Variants in ARL8B observed in about 807,000 individuals in gnomAD.
ARL8B encodes ARF like GTPase 8B.
In ARL8B, 9 loss-of-function variants were observed where a neutral mutation model predicts 30.6. The ratio of observed to expected loss-of-function variants is 0.29; its 90% CI spans 0.18 to 0.51. The LOEUF (loss-of-function observed/expected upper bound fraction) is 0.51. Among genes scored for constraint, ARL8B ranks in the 20% least tolerant of loss-of-function variants. ARL8B has a pLI of 0.97. For missense variants in ARL8B, 130 were observed against 227.2 expected (o/e 0.57, Z 2.75); for synonymous variants, 74 against 76.0 (o/e 0.97, Z 0.14).
rs753950793 is a variant in ARL8B, at chr3:5,122,460, G to C, written c.-6G>C. 5.0e-6 allele frequency: 8 copies of C among 1,612,764 alleles called. No homozygotes were observed. The highest frequency in any genetic ancestry group is 2.2e-5 in the East Asian group (1 of 44,864). ...CTCCCGTCCGTTCTCGCTCCCGGCC[G>C]CCATCATGCTGGCGCTCATCTCCCG... is the stretch of plus-strand genomic sequence containing the variant. On this transcript the variant is annotated 5_prime_UTR_variant, in exon 1 of 7. Coordinates refer to ENST00000256496, the MANE Select transcript of ARL8B (RefSeq NM_018184.3).
intron 1 of ARL8B, among the ~76,000 whole-genome samples, chr3:5,132,886 A>T (rs192365705): frequency 5.3e-4 from 81 of 152,212 alleles, no homozygotes; most frequent in African/African-American, 1.7e-3. Context: ...CCCCTGACCC[A>T]CCCCATTAAG....
rs1413050354 is a variant in ARL8B at position 5,122,330 on chromosome 3, C to CCCGCCGGTGT, written c.-130_-121dup. ...GGCTTCCTGGGTCTGGCTGCTGCCGCCCGCCGGTGTCCGCCCGTGTCGCGC... is the reference window on the plus strand; with the variant it reads ...GGCTTCCTGGGTCTGGCTGCTGCCGCCCGCCGGTGTCCGCCGGTGTCCGCCCGTGTCGCGC... On this transcript the variant is annotated 5_prime_UTR_variant, in exon 1 of 7. Coordinates refer to ENST00000256496, the MANE Select transcript of ARL8B (RefSeq NM_018184.3). 1 of 1,531,662 alleles carries CCCGCCGGTGT rather than the reference C, an allele frequency of 6.5e-7. No homozygotes were observed. The highest frequency in any genetic ancestry group is 8.8e-7 in the Non-Finnish European group (1 of 1,140,514). 94.9% of individuals were successfully genotyped at this position (1,531,662 alleles called of 1,614,324 possible).
At chr3:5,175,196 CAAT>C (rs1294808562) in intron 6 of ARL8B, among the ~76,000 whole-genome samples, 2 of 152,054 alleles carry the variant, frequency 1.3e-5, no homozygotes, top group Admixed American at 6.6e-5. Flanking sequence ...TTCAGCGTTA[CAAT>C]GTTAATGAGA....
At chr3:5,176,371 C>T (rs1466520608) in intron 6 of ARL8B, among the ~76,000 whole-genome samples, 1 of 152,132 alleles carries the variant, frequency 6.6e-6, no homozygotes, top group Non-Finnish European at 1.5e-5. Flanking sequence ...GCTGGGATTA[C>T]AGTTGCCCAC....
chr3:5,170,819 C>T (rs764558135), intron 2 of ARL8B: 3 of 329,964 alleles, frequency 9.1e-6, no homozygotes, highest in Non-Finnish European at 1.7e-5. Flanking sequence ...GCAACCTCTA[C>T]CTCCCGGTTC....
intron 1 of ARL8B, among the ~76,000 whole-genome samples, chr3:5,137,185 C>T (rs1394062692): frequency 6.6e-6 from 1 of 151,928 alleles, no homozygotes; most frequent in Non-Finnish European, 1.5e-5. Context: ...GAATACTTGC[C>T]CCATGAGCTC....
chr3:5,163,883 G>C (rs979459566), intron 1 of ARL8B, among the ~76,000 whole-genome samples: 1 of 152,282 alleles, frequency 6.6e-6, no homozygotes, highest in South Asian at 2.1e-4. Flanking sequence ...GAGAAAAAAA[G>C]AGAGAGTGCT....
At chr3:5,142,847 A>G (rs541274247) in intron 1 of ARL8B, among the ~76,000 whole-genome samples, 9 of 152,108 alleles carry the variant, frequency 5.9e-5, no homozygotes, top group Non-Finnish European at 1.2e-4. Flanking sequence ...CTTGGCCTAG[A>G]GTGGCTGGAT....
chr3:5,145,024 TA>T (rs1287609164), intron 1 of ARL8B, among the ~76,000 whole-genome samples: 1 of 152,196 alleles, frequency 6.6e-6, no homozygotes, highest in Non-Finnish European at 1.5e-5. Context: ...AACCATTAGG[TA>T]ATCTACCTTT....
chr3:5,145,512 A>T (rs999284414), intron 1 of ARL8B, among the ~76,000 whole-genome samples: 6 of 152,076 alleles, frequency 3.9e-5, no homozygotes, highest in African/African-American at 1.4e-4. Flanking sequence ...TGGAGACAAA[A>T]GCAATATGTT....
intron 6 of ARL8B, among the ~76,000 whole-genome samples, chr3:5,174,761 T>C (rs1419254498): frequency 7.1e-6 from 1 of 141,398 alleles, no homozygotes; most frequent in Non-Finnish European, 1.5e-5. Context: ...TATATATAAA[T>C]ATATATTATA....
At chr3:5,135,990 G>C (rs1049153935) in intron 1 of ARL8B, among the ~76,000 whole-genome samples, 1 of 150,968 alleles carries the variant, frequency 6.6e-6, no homozygotes, top group African/African-American at 2.4e-5. Context: ...GTTTCACCAT[G>C]TTGCCCAGGC....
At chr3:5,151,942 G>C (rs2054488894) in intron 1 of ARL8B, among the ~76,000 whole-genome samples, 1 of 152,162 alleles carries the variant, frequency 6.6e-6, no homozygotes. Flanking sequence ...ACTTAGGCCA[G>C]TCTTGAATCC....
intron 2 of ARL8B, among the ~76,000 whole-genome samples, chr3:5,171,322 G>C (rs2054673765): frequency 6.6e-6 from 1 of 152,108 alleles, no homozygotes; most frequent in South Asian, 2.1e-4. Context: ...GATTATGGAT[G>C]TGGCTTTCAT....
At chr3:5,135,546 C>T (rs1342846488) in intron 1 of ARL8B, among the ~76,000 whole-genome samples, 2 of 151,434 alleles carry the variant, frequency 1.3e-5, no homozygotes, top group Non-Finnish European at 2.9e-5. Context: ...GCAACCTCCA[C>T]CTCCCAGGTT....
chr3:5,169,429 A>C (rs1390787311), intron 1 of ARL8B, among the ~76,000 whole-genome samples: 1 of 151,994 alleles, frequency 6.6e-6, no homozygotes, highest in Non-Finnish European at 1.5e-5. Context: ...TTGCTGGATC[A>C]TATGATAATT....
chr3:5,174,878 C>G (rs1297981146), intron 6 of ARL8B, among the ~76,000 whole-genome samples: 2 of 151,528 alleles, frequency 1.3e-5, no homozygotes, highest in Non-Finnish European at 2.9e-5. Flanking sequence ...TCTCGACTTA[C>G]TGCAACCTCT....
chr3:5,164,183 A>G (rs1410792798), intron 1 of ARL8B, among the ~76,000 whole-genome samples: 1 of 152,196 alleles, frequency 6.6e-6, no homozygotes, highest in Admixed American at 6.5e-5. Flanking sequence ...AAGTGGACCC[A>G]TATGCACTTC....
chr3:5,129,672 A>T (rs2054264729), intron 1 of ARL8B, among the ~76,000 whole-genome samples: 2 of 151,904 alleles, frequency 1.3e-5, no homozygotes. Flanking sequence ...ATAGCCTCCC[A>T]AGTAGTAGGG....
Sources: gnomAD v4.1 joint callset for allele counts (sites outside exome capture counted in the v4.1 genomes callset) on GRCh38, gnomAD v4.1.1 for gene constraint, MANE v1.5 for transcripts, NCBI Gene and HGNC (gene_info 2026-07-23, HGNC 2026-07-21) for gene names.